Variants in SCAPER observed in about 807,000 individuals in gnomAD.
SCAPER encodes the protein S phase cyclin A-associated protein in the endoplasmic reticulum.
Under a neutral mutation model 182.2 loss-of-function variants are expected in SCAPER, and 98 were observed. The observed-to-expected ratio is 0.54, with a 90% CI of 0.46 to 0.64. SCAPER has a LOEUF of 0.64. SCAPER is among the 30% of genes least tolerant of loss of function. SCAPER has a pLI of 0.00. For missense variants in SCAPER, 1,432 were observed against 1,690.0 expected, an observed-to-expected ratio of 0.85 and a Z score of 2.68; for synonymous variants, 605 against 564.6, an observed-to-expected ratio of 1.07 and a Z score of -1.01.
At chr15:76,435,422 A>T (rs1157402231) in intron 25 of SCAPER, among the ~76,000 whole-genome samples, 1 of 152,100 alleles carries the variant, frequency 6.6e-6, no homozygotes, top group Non-Finnish European at 1.5e-5. Context: ...CTTTTTTGTC[A>T]AAATGAAATT....
chr15:76,890,935 C>T (rs2074128857), intron 1 of SCAPER, among the ~76,000 whole-genome samples: 1 of 152,184 alleles, frequency 6.6e-6, no homozygotes, highest in Non-Finnish European at 1.5e-5. Flanking sequence ...TACTGGCAAA[C>T]TGAATCCAGC....
At chr15:76,459,836 G>A (rs1052222331) in intron 25 of SCAPER, among the ~76,000 whole-genome samples, 3 of 151,998 alleles carry the variant, frequency 2.0e-5, no homozygotes, top group Admixed American at 1.3e-4. Flanking sequence ...TTCATTTTGA[G>A]TTGATTTTTG....
intron 17 of SCAPER, among the ~76,000 whole-genome samples, chr15:76,723,181 T>A (rs984082767): frequency 6.6e-6 from 1 of 152,246 alleles, no homozygotes; most frequent in Non-Finnish European, 1.5e-5. Flanking sequence ...TTCATTTCAT[T>A]ATTTACCCAG....
chr15:76,677,603 G>A (rs62028170), intron 20 of SCAPER, among the ~76,000 whole-genome samples: 9,668 of 151,586 alleles, frequency 0.064, 343 homozygotes, highest in Middle Eastern at 0.11. Context: ...AAGTCACACT[G>A]TAAAATTTTA....
intron 21 of SCAPER, among the ~76,000 whole-genome samples, chr15:76,642,967 TA>T (rs1454890443): frequency 2.6e-5 from 4 of 152,086 alleles, no homozygotes; most frequent in African/African-American, 9.7e-5. Context: ...AGGTTTCAAT[TA>T]AAAAAGATAA....
chr15:76,652,904 G>A (rs2146571873), intron 21 of SCAPER, among the ~76,000 whole-genome samples: 1 of 152,014 alleles, frequency 6.6e-6, no homozygotes, highest in Non-Finnish European at 1.5e-5. Context: ...AGAAATAAAA[G>A]GTATCTAAAT....
intron 25 of SCAPER, among the ~76,000 whole-genome samples, chr15:76,438,346 T>C (rs182277398): frequency 6.6e-6 from 1 of 151,032 alleles, no homozygotes; most frequent in African/African-American, 2.4e-5. Flanking sequence ...GGGTGAAACA[T>C]ACTAATCTCA....
At chr15:76,404,772 C>T in intron 26 of SCAPER, 93 bp from the exon 27 acceptor site, 3 of 1,279,966 alleles carry the variant, frequency 2.3e-6, no homozygotes, top group Non-Finnish European at 3.2e-6. Context: ...CAGGCTTGGA[C>T]CCCTCAAACA....
intron 26 of SCAPER, among the ~76,000 whole-genome samples, chr15:76,413,601 C>T (rs946103021): frequency 2.8e-4 from 43 of 152,276 alleles, no homozygotes; most frequent in African/African-American, 1.0e-3. Context: ...ATGATGTCTT[C>T]CTTTAGAGCA....
intron 24 of SCAPER, among the ~76,000 whole-genome samples, chr15:76,488,032 C>T (rs2051832243): frequency 6.6e-6 from 1 of 152,096 alleles, no homozygotes; most frequent in South Asian, 2.1e-4. Flanking sequence ...TCCCCATTCC[C>T]ACTCTCCCAC....
intron 1 of SCAPER, among the ~76,000 whole-genome samples, chr15:76,896,618 A>C (rs1354854794): frequency 6.6e-6 from 1 of 152,116 alleles, no homozygotes; most frequent in Non-Finnish European, 1.5e-5. Flanking sequence ...GAAAGAGAAA[A>C]AACAATCCTA....
chr15:76,683,665 G>A (rs1428570017), intron 20 of SCAPER, among the ~76,000 whole-genome samples: 1 of 151,630 alleles, frequency 6.6e-6, no homozygotes, highest in Non-Finnish European at 1.5e-5. Flanking sequence ...TAGAAAGAAG[G>A]CACAGATCAC....
At chr15:76,389,326 C>T (rs2043497874) in intron 27 of SCAPER, among the ~76,000 whole-genome samples, 1 of 151,244 alleles carries the variant, frequency 6.6e-6, no homozygotes, top group African/African-American at 2.4e-5. Flanking sequence ...CATGGTGAAA[C>T]CCTGTCTCTA....
intron 15 of SCAPER, chr15:76,736,565 T>C (rs1169382954): frequency 6.6e-6 from 1 of 152,318 alleles, no homozygotes; most frequent in Non-Finnish European, 1.5e-5. Context: ...ATTTCAACAA[T>C]GTTCACAGTA....
chr15:76,430,183 G>A (rs924722959), intron 26 of SCAPER, among the ~76,000 whole-genome samples: 18 of 152,342 alleles, frequency 1.2e-4, no homozygotes, highest in Admixed American at 1.1e-3. Context: ...AAATGCCTGG[G>A]TGCCTAGGCA....
At chr15:76,896,792 A>G (rs1476769900) in intron 1 of SCAPER, among the ~76,000 whole-genome samples, 4 of 152,010 alleles carry the variant, frequency 2.6e-5, no homozygotes, top group African/African-American at 9.7e-5. Context: ...ACAAAAATAC[A>G]AAAAATAGCC....
At chr15:76,450,385 C>T (rs560880090) in intron 25 of SCAPER, among the ~76,000 whole-genome samples, 29 of 152,124 alleles carry the variant, frequency 1.9e-4, no homozygotes, top group African/African-American at 4.1e-4. Context: ...TTAAGCTCTC[C>T]GGCTTATTTA....
intron 24 of SCAPER, among the ~76,000 whole-genome samples, chr15:76,486,461 G>C (rs1326147523): frequency 6.6e-6 from 1 of 151,858 alleles, no homozygotes; most frequent in Non-Finnish European, 1.5e-5. Flanking sequence ...TGCAAACTAT[G>C]TAACCGAAAA....
chr15:76,477,892 T>C (rs2143010283), intron 24 of SCAPER, among the ~76,000 whole-genome samples: 1 of 152,200 alleles, frequency 6.6e-6, no homozygotes, highest in South Asian at 2.1e-4. Context: ...TTAACCCTTT[T>C]GGTCATATTT....
Sources: allele counts gnomAD v4.1 joint callset (sites outside exome capture counted in the v4.1 genomes callset), GRCh38; gene constraint gnomAD v4.1.1; transcripts MANE v1.5; gene names NCBI Gene and HGNC (gene_info 2026-07-23, HGNC 2026-07-21).